The following IRF2BPL variants were observed in gnomAD, a reference collection of about 807,000 sequenced individuals.
IRF2BPL encodes the protein interferon regulatory factor 2 binding protein like, also known as probable E3 ubiquitin-protein ligase IRF2BPL.
Under a neutral mutation model 51.2 loss-of-function variants are expected in IRF2BPL, and 13 were observed. The observed-to-expected ratio is 0.25, with a 90% CI of 0.17 to 0.40. The LOEUF (loss-of-function observed/expected upper bound fraction) is 0.40, where lower values mean the gene tolerates loss of function less well. Ranked by LOEUF, IRF2BPL falls within the 10% of genes least tolerant of loss-of-function variation. The probability of loss-of-function intolerance (pLI) is 1.00; values close to 1 mark genes in which losing one functional copy is unlikely to be tolerated. For missense variants in IRF2BPL, 1,210 were observed against 1,111.8 expected (o/e 1.09, Z -1.26); for synonymous variants, 768 against 509.2 (o/e 1.51, Z -6.84).
chr14:77,025,648 G>A lies in IRF2BPL; in HGVS notation c.2145C>T (p.Cys715=). The A allele has an allele frequency of 6.4e-7, 1 of 1,571,704 alleles. No homozygotes were observed. The highest frequency in any genetic ancestry group is 8.7e-7 in the Non-Finnish European group (1 of 1,156,062). Reference sequence around the variant, plus strand: ...CCTCCAAACGTTCGTGGCAAATGGTGCAGCAGAGGGGTCCGCTGTTGGCCA... The same window carrying A: ...CCTCCAAACGTTCGTGGCAAATGGTACAGCAGAGGGGTCCGCTGTTGGCCA... ...SPMANSGPLC[C]TICHERLEDT... Residue 715 remains cysteine, a synonymous_variant, in exon 1 of 1, where the codon TGC becomes TGT. Coordinates refer to ENST00000238647, the MANE Select transcript of IRF2BPL (RefSeq NM_024496.4).
chr14:77,024,913 C>CTTTT lies in IRF2BPL; in HGVS notation c.*488_*489insAAAA, dbSNP rs1566785052. On this transcript the variant is annotated 3_prime_UTR_variant, in exon 1 of 1. Coordinates refer to ENST00000238647, the MANE Select transcript of IRF2BPL (RefSeq NM_024496.4). ...GAAGGAAGCTTTCACCATTTTATAGCATTTTTTTTTTTTTTTTTTTTTTTT... is the reference window on the plus strand; with the variant it reads ...GAAGGAAGCTTTCACCATTTTATAGCTTTTATTTTTTTTTTTTTTTTTTTTTTTT... The CTTTT allele has an allele frequency of 1.3e-5, 1 of 77,006 alleles. No homozygotes were observed. The highest frequency in any genetic ancestry group is 5.9e-5 in the African/African-American group (1 of 16,928). 4.8% of individuals were successfully genotyped at this position (77,006 alleles called of 1,614,324 possible). A position where few individuals can be genotyped will look rare whatever the true frequency, so the allele number is the denominator to read the frequency against.
At position 77,027,902 on chromosome 14, in the gene IRF2BPL, A is replaced by G. The variant is rs1238481619; in HGVS notation, c.-110T>C. ...GGAGTCCGACTGCGGGGGAGGGAGG[A>G]GGGGGGGCGAGAAAGTTCTGCCCCA... On this transcript the variant is annotated 5_prime_UTR_variant, in exon 1 of 1. Coordinates refer to ENST00000238647, the MANE Select transcript of IRF2BPL (RefSeq NM_024496.4). The G allele has an allele frequency of 5.6e-6, 7 of 1,247,800 alleles. No homozygotes were observed. Among genetic ancestry groups the G allele is most frequent in the Admixed American group, 3.2e-5 (1 of 30,812 alleles). 77.3% of individuals were successfully genotyped at this position (1,247,800 alleles called of 1,614,324 possible).
rs146050791 is a variant in IRF2BPL at position 77,026,356 on chromosome 14, G to C, written c.1437C>G (p.Pro479=). The change falls in exon 1 of 1, where the codon CCC becomes CCG. Residue 479 remains proline (P), a synonymous_variant. Coordinates refer to ENST00000238647, the MANE Select transcript of IRF2BPL (RefSeq NM_024496.4). The stretch of plus-strand genomic sequence containing the variant: ...CCTCCTTGAAGAAGCGCACGGCTTC[G>C]GGGAGCAGGTCTCCAAGCAGGCGCC... ...GDWRLLGDLL[P]EAVRFFKEGV... 2.5e-6 allele frequency: 4 copies of C among 1,609,050 alleles called. No individual in the cohort carries two copies. The South Asian group carries it at 3.3e-5, about 13-fold the overall frequency.
rs781620792 is a variant in IRF2BPL, at chr14:77,026,023, C to T, written c.1770G>A (p.Gly590=). Residue 590 remains glycine, a synonymous_variant, in exon 1 of 1, where the codon GGG becomes GGA. Transcript: ENST00000238647. Reference sequence around the variant, plus strand: ...GCGGAGGCGGACCCCCCGCCGCGTGCCCCGGCGCCGCGAAGCCCCCGGCGG... The same window carrying T: ...GCGGAGGCGGACCCCCCGCCGCGTGTCCCGGCGCCGCGAAGCCCCCGGCGG... ...TMSAGGFAAP[G]HAAGGPPPPP... 2 of 1,564,504 alleles carry T rather than the reference C, an allele frequency of 1.3e-6. No individual in the cohort carries two copies. Among genetic ancestry groups the T allele is most frequent in the Middle Eastern group, 1.7e-4 (1 of 5,974 alleles).
At position 77,026,651 on chromosome 14, in the gene IRF2BPL, G is replaced by A. The variant is rs1885134639; in HGVS notation, c.1142C>T (p.Thr381Met). The A allele has an allele frequency of 6.2e-7, 1 of 1,613,652 alleles. No homozygotes were observed. Among genetic ancestry groups the A allele is most frequent in the Non-Finnish European group, 8.5e-7 (1 of 1,179,968 alleles). The change falls in exon 1 of 1, where the codon ACG (threonine) becomes ATG (methionine). Residue 381 changes from threonine (T) to methionine (M), a missense_variant. Thr to Met is a moderately conservative substitution (Grantham distance 81). Coordinates refer to ENST00000238647, the MANE Select transcript of IRF2BPL (RefSeq NM_024496.4). ...CTCGTAGGGCGTGCAGCCTGCCAGCGTGAGCAGCGTGTCGCGGACCATCTT... is the reference window on the plus strand; with the variant it reads ...CTCGTAGGGCGTGCAGCCTGCCAGCATGAGCAGCGTGTCGCGGACCATCTT... ...KPKMVRDTLL[T>M]LAGCTPYEVR...
Position 77,027,190 on chromosome 14 carries a change from T to G in IRF2BPL, c.603A>C (p.Lys201Asn). 6.2e-7 allele frequency: 1 copy of G among 1,611,682 alleles called. No individual in the cohort carries two copies. Residue 201 changes from lysine to asparagine, a missense_variant, in exon 1 of 1, where the codon AAA becomes AAC. Lys to Asn is a moderately conservative substitution (Grantham distance 94). Coordinates refer to ENST00000238647, the MANE Select transcript of IRF2BPL (RefSeq NM_024496.4). ...CTGGGGGTCCCTCCTCTGGTGTTGG[T>G]TTGGGGAAGCCGTTTGGGCCCCCCA... is the stretch of plus-strand genomic sequence containing the variant. ...NGLGGPNGFPKPTPEEGPPEL... is the reference protein window; with the variant it reads ...NGLGGPNGFPNPTPEEGPPEL...
rs749648076 is a variant in IRF2BPL, at chr14:77,027,259, C to G, written c.534G>C (p.Val178=). Residue 178 remains valine, a synonymous_variant, in exon 1 of 1, where the codon GTG becomes GTC. Transcript: ENST00000238647. ...RSRFEYPPPP[V]SLGSSSHTAR... ...CGGTGTGGCTGCTGCTTCCCAGGCTCACCGGCGGTGGCGGGTACTCGAAGC... is the reference window on the plus strand; with the variant it reads ...CGGTGTGGCTGCTGCTTCCCAGGCTGACCGGCGGTGGCGGGTACTCGAAGC... 44 of 1,586,108 alleles carry G rather than the reference C, an allele frequency of 2.8e-5. No individual in the cohort carries two copies. The Admixed American group carries it at 2.9e-4, about 11-fold the overall frequency.
rs1192331230 is a variant in IRF2BPL at position 77,027,369 on chromosome 14, C to T, written c.424G>A (p.Ala142Thr). Residue 142 changes from alanine to threonine, a missense_variant, in exon 1 of 1, where the codon GCC becomes ACC. Physicochemically the swap from Ala to Thr is moderately conservative, Grantham distance 58 (BLOSUM62 0). Transcript: ENST00000238647. ...CCGTAGCGCTCCAGGCCAGACGGGGCCGCCAGCACCGCAGGCTTGCTGGAA... is the reference window on the plus strand; with the variant it reads ...CCGTAGCGCTCCAGGCCAGACGGGGTCGCCAGCACCGCAGGCTTGCTGGAA... Reference protein sequence around the residue: ...DGSSKPAVLAAPSGLERYGLS... With the variant: ...DGSSKPAVLATPSGLERYGLS... 1 of 1,504,644 alleles carries T rather than the reference C, an allele frequency of 6.6e-7. No homozygotes were observed. The highest frequency in any genetic ancestry group is 1.2e-5 in the South Asian group (1 of 80,220). The allele number at this position is 1,504,644 out of a possible 1,614,324, so 93.2% of individuals were successfully genotyped here.
rs754968179 is a variant in IRF2BPL at position 77,026,478 on chromosome 14, T to G, written c.1315A>C (p.Lys439Gln). Residue 439 changes from lysine (K) to glutamine (Q), a missense_variant, in exon 1 of 1, where the codon AAG (lysine) becomes CAG (glutamine). Lys to Gln is a moderately conservative substitution (Grantham distance 53). Transcript: ENST00000238647. ...TTCATGCAGTCCTGATACATCTGCT[T>G]GGCCACACCAGATGCACTGGAGTAC... ...NVYSSASGVA[K>Q]QMYQDCMKDF... 1.1e-5 allele frequency: 17 copies of G among 1,613,432 alleles called. No individual in the cohort carries two copies. The highest frequency in any genetic ancestry group is 2.7e-5 in the African/African-American group (2 of 74,940).
chr14:77,025,032 A>G lies in IRF2BPL; in HGVS notation c.*370T>C, dbSNP rs1288195202. The G allele has an allele frequency of 7.1e-6, 1 of 139,938 alleles. No homozygotes were observed. The highest frequency in any genetic ancestry group is 2.7e-5 in the African/African-American group (1 of 37,486). 8.7% of individuals were successfully genotyped at this position (139,938 alleles called of 1,614,324 possible). A position where few individuals can be genotyped will look rare whatever the true frequency, so the allele number is the denominator to read the frequency against. On this transcript the variant is annotated 3_prime_UTR_variant, in exon 1 of 1. Transcript: ENST00000238647. The stretch of plus-strand genomic sequence containing the variant: ...TTTGTGTGTGTTTTTCCTTTCAGAG[A>G]GTGCATAACATTTACAAAAATACAC...
chr14:77,027,122 G>T lies in IRF2BPL; in HGVS notation c.671C>A (p.Ser224Ter). The change falls in exon 1 of 1, where the codon TCG becomes TAG. Residue 224 changes from serine (S) to a stop codon, truncating the protein, a stop_gained. Coordinates refer to ENST00000238647, the MANE Select transcript of IRF2BPL (RefSeq NM_024496.4). LOFTEE classifies it high-confidence loss of function. ...QSPNSSSAAA[S>*]VASRRGTHGG... ...GTGCGTTCCACGCCGAGACGCCACC[G>T]ACGCCGCCGCTGAAGAAGAATTGGG... is the stretch of plus-strand genomic sequence containing the variant. The T allele has an allele frequency of 6.2e-7, 1 of 1,612,210 alleles. No homozygotes were observed.
chr14:77,027,440 T>G lies in IRF2BPL; in HGVS notation c.353A>C (p.Gln118Pro). The change falls in exon 1 of 1, where the codon CAG becomes CCG. Residue 118 changes from glutamine to proline, a missense_variant. By Grantham distance (76) the Gln-to-Pro change is moderately conservative (BLOSUM62 -1). Transcript: ENST00000238647. ...QQQQQQQQQQQQQQQQQQQQL... is the reference protein window; with the variant it reads ...QQQQQQQQQQPQQQQQQQQQL... ...TTGTTGCTGCTGCTGCTGCTGCTGC[T>G]GCTGCTGCTGTTGCTGCTGCTGCTG... The G allele has an allele frequency of 7.1e-7, 1 of 1,413,916 alleles. No homozygotes were observed. The highest frequency in any genetic ancestry group is 1.3e-5 in the South Asian group (1 of 74,586). 87.6% of individuals were successfully genotyped at this position (1,413,916 alleles called of 1,614,324 possible). A position where few individuals can be genotyped will look rare whatever the true frequency, so the allele number is the denominator to read the frequency against.
Position 77,025,843 on chromosome 14 carries a change from A to G in IRF2BPL, c.1950T>C (p.Thr650=), listed in dbSNP as rs1240945128. The G allele has an allele frequency of 6.2e-7, 1 of 1,612,582 alleles. No homozygotes were observed. Among genetic ancestry groups the G allele is most frequent in the African/African-American group, 1.3e-5 (1 of 74,994 alleles). ...PKDGSSVHST[T]ASARRNSSSP... is the part of the protein sequence containing the mutation. ...TGCTGCTGTTTCGCCGCGCCGACGC[A>G]GTGGTAGAGTGCACGGAACTGCCAT... Residue 650 remains threonine (T), a synonymous_variant, in exon 1 of 1, where the codon ACT becomes ACC. Transcript: ENST00000238647.
In IRF2BPL at chr14:77,026,800, C is replaced by T. The variant is rs749020208; in HGVS notation, c.993G>A (p.Arg331=). The T allele has an allele frequency of 1.6e-5, 25 of 1,612,680 alleles. 1 individual carries two copies. The South Asian group carries it at 2.6e-4, about 17-fold the overall frequency. Residue 331 remains arginine, a synonymous_variant, in exon 1 of 1, where the codon AGG becomes AGA. Coordinates refer to ENST00000238647, the MANE Select transcript of IRF2BPL (RefSeq NM_024496.4). ...AEVGVGAGGK[R]PGSVSSTDQE... is the part of the protein sequence containing the mutation. ...GGTCTGTGCTCGACACCGAGCCGGG[C>T]CTCTTACCACCAGCACCCACGCCCA...
In IRF2BPL at chr14:77,027,941, A is replaced by T. The variant is rs939231318; in HGVS notation, c.-149T>A. On this transcript the variant is annotated 5_prime_UTR_variant, in exon 1 of 1. Coordinates refer to ENST00000238647, the MANE Select transcript of IRF2BPL (RefSeq NM_024496.4). ...AGTTCTGCCCCAGGGGCTGGAGGGAACGCGAGTCTCCACCGCCGGCGCAGC... is the reference window on the plus strand; with the variant it reads ...AGTTCTGCCCCAGGGGCTGGAGGGATCGCGAGTCTCCACCGCCGGCGCAGC... 4.0e-6 allele frequency: 4 copies of T among 989,426 alleles called. No homozygotes were observed. In the African/African-American group the frequency reaches 6.9e-5, roughly 17 times the overall value. 61.3% of individuals were successfully genotyped at this position (989,426 alleles called of 1,614,324 possible).
At position 77,025,195 on chromosome 14, in the gene IRF2BPL, TGAA is replaced by T; in HGVS notation, c.*204_*206del. 5 of 439,932 alleles carry T rather than the reference TGAA, an allele frequency of 1.1e-5. No homozygotes were observed. In the South Asian group the frequency reaches 1.6e-4, roughly 14 times the overall value. The allele number at this position is 439,932 out of a possible 1,614,324, so 27.3% of individuals were successfully genotyped here. A position where few individuals can be genotyped will look rare whatever the true frequency, so the allele number is the denominator to read the frequency against. On this transcript the variant is annotated 3_prime_UTR_variant, in exon 1 of 1. Coordinates refer to ENST00000238647, the MANE Select transcript of IRF2BPL (RefSeq NM_024496.4). ...AACACAAACCAGCTTATCCTTCAAA[TGAA>T]GAAGTTACATACCTTTGTTTCAAAA...
Position 77,026,256 on chromosome 14 carries a change from T to C in IRF2BPL, c.1537A>G (p.Ser513Gly), listed in dbSNP as rs1049634008. Reference protein sequence around the residue: ...SCPMLPTALVSLSRAPSAPPG... With the variant: ...SCPMLPTALVGLSRAPSAPPG... ...GGTGCGCTGGGGGCGCGGCTCAGAC[T>C]CACCAGAGCAGTGGGCAGCATGGGA... The change falls in exon 1 of 1, where the codon AGT becomes GGT. Residue 513 changes from serine to glycine, a missense_variant. Physicochemically the swap from Ser to Gly is moderately conservative, Grantham distance 56. Transcript: ENST00000238647. The C allele has an allele frequency of 3.4e-6, 5 of 1,464,962 alleles. No individual in the cohort carries two copies. In the African/African-American group the frequency reaches 7.1e-5, roughly 21 times the overall value. 90.7% of individuals were successfully genotyped at this position (1,464,962 alleles called of 1,614,324 possible).
chr14:77,028,517 GGCCGGCGCCCGGGCCGCCGCGGCT>G lies in IRF2BPL; in HGVS notation c.-749_-726del, dbSNP rs1315900958. 3.7e-4 allele frequency: 125 copies of G among 336,200 alleles called. No individual in the cohort carries two copies. The highest frequency in any genetic ancestry group is 6.8e-4 in the Admixed American group (14 of 20,574). 20.8% of individuals were successfully genotyped at this position (336,200 alleles called of 1,614,324 possible). ...GCAGGCTCCCGCCGCCCCCAGGCCT[GGCCGGCGCCCGGGCCGCCGCGGCT>G]GGCGGCGCTCACGTTGGCTGCAGGG... On this transcript the variant is annotated 5_prime_UTR_variant, in exon 1 of 1. Coordinates refer to ENST00000238647, the MANE Select transcript of IRF2BPL (RefSeq NM_024496.4).
chr14:77,025,203 T>C lies in IRF2BPL; in HGVS notation c.*199A>G. The C allele has an allele frequency of 2.2e-6, 1 of 451,004 alleles. No individual in the cohort carries two copies. The highest frequency in any genetic ancestry group is 3.9e-6 in the Non-Finnish European group (1 of 254,890). 27.9% of individuals were successfully genotyped at this position (451,004 alleles called of 1,614,324 possible). A position where few individuals can be genotyped will look rare whatever the true frequency, so the allele number is the denominator to read the frequency against. The stretch of plus-strand genomic sequence containing the variant: ...CCAGCTTATCCTTCAAATGAAGAAG[T>C]TACATACCTTTGTTTCAAAATATAG... On this transcript the variant is annotated 3_prime_UTR_variant, in exon 1 of 1. Transcript: ENST00000238647.
Sources: gnomAD v4.1 joint callset for allele counts on GRCh38, gnomAD v4.1.1 for gene constraint, MANE v1.5 for transcripts, NCBI Gene and HGNC (gene_info 2026-07-23, HGNC 2026-07-21) for gene names.